Variants in PDXDC1 observed in about 807,000 individuals in gnomAD.
PDXDC1 encodes pyridoxal-dependent decarboxylase domain-containing protein 1.
Under a neutral mutation model 100.1 loss-of-function variants are expected in PDXDC1, and 42 were observed. The observed-to-expected ratio is 0.42, with a 90% CI of 0.33 to 0.54. PDXDC1 has a LOEUF of 0.54. Among genes scored for constraint, PDXDC1 ranks in the 20% least tolerant of loss-of-function variants. PDXDC1 has a pLI of 0.10. For missense variants in PDXDC1, 636 were observed against 979.2 expected (o/e 0.65, Z 4.68); for synonymous variants, 260 against 371.7 (o/e 0.70, Z 3.46).
At chr16:15,066,595 T>G (rs937748773) in intron 16 of PDXDC1, among the ~76,000 whole-genome samples, 24 of 150,870 alleles carry the variant, frequency 1.6e-4, no homozygotes, top group African/African-American at 5.6e-4. Flanking sequence ...ATCACGCCAC[T>G]GTACTCCAGC....
In PDXDC1 at chr16:15,008,656, G is replaced by A. The variant is rs535686365; in HGVS notation, c.580-123G>A. 40 of 841,048 alleles carry A rather than the reference G, an allele frequency of 4.8e-5. No individual in the cohort carries two copies. In the African/African-American group the frequency reaches 6.4e-4, roughly 13 times the overall value. 52.1% of individuals were successfully genotyped at this position (841,048 alleles called of 1,614,324 possible). On this transcript the variant is annotated intron_variant, in intron 6 of 22. Coordinates refer to ENST00000396410, the MANE Select transcript of PDXDC1 (RefSeq NM_015027.4). ...TTAACATCAATTTATAATATTAAGA[G>A]TTCCTAAGGAGAGAGATTTCTTAGA... is the stretch of plus-strand genomic sequence containing the variant.
chr16:15,008,428 C>G (rs2040967631), intron 6 of PDXDC1, among the ~76,000 whole-genome samples: 2 of 152,278 alleles, frequency 1.3e-5, no homozygotes, highest in South Asian at 4.1e-4. Context: ...ACCAGTAATG[C>G]TTGGAGAAAG....
chr16:15,051,771 G>C (rs1381742121), intron 16 of PDXDC1, among the ~76,000 whole-genome samples: 1 of 145,964 alleles, frequency 6.9e-6, no homozygotes, highest in African/African-American at 2.6e-5. Context: ...CCAGATCATA[G>C]CTCACTGCAA....
chr16:15,033,752 G>A (rs1415391521), intron 19 of PDXDC1, among the ~76,000 whole-genome samples: 1 of 152,196 alleles, frequency 6.6e-6, no homozygotes, highest in Non-Finnish European at 1.5e-5. Context: ...GAGGGTGAAT[G>A]AAATGGGCTG....
chr16:15,081,867 G>C (rs965430187), intron 16 of PDXDC1, among the ~76,000 whole-genome samples: 4 of 151,934 alleles, frequency 2.6e-5, no homozygotes, highest in Non-Finnish European at 5.9e-5. Context: ...TCATTCTTTT[G>C]CATGTTCATA....
At chr16:15,035,301 A>G (rs7404524) in intron 21 of PDXDC1, 148 bp from the exon 22 acceptor site, 326,663 of 500,232 alleles carry the variant, frequency 0.65, 111,166 homozygotes, top group Non-Finnish European at 0.71. Context: ...CTCACGGCAC[A>G]TTCATAAGTG....
intron 16 of PDXDC1, among the ~76,000 whole-genome samples, chr16:15,100,259 C>T (rs1265842782): frequency 6.6e-6 from 1 of 152,176 alleles, no homozygotes; most frequent in African/African-American, 2.4e-5. Context: ...GTCCTTTTTC[C>T]TTTCCAAAGA....
At position 15,035,446 on chromosome 16, in the gene PDXDC1, C is replaced by T; in HGVS notation, c.2003-3C>T. The stretch of plus-strand genomic sequence containing the variant: ...TTCTACCCAGCCCTCTCCTCTCCCG[C>T]AGGCTCTCTGGAGTCCACAGAACCC... On this transcript the variant is annotated splice_polypyrimidine_tract_variant and splice_region_variant and intron_variant, in intron 21 of 22. Transcript: ENST00000396410. 2 of 1,594,940 alleles carry T rather than the reference C, an allele frequency of 1.3e-6. No homozygotes were observed. The highest frequency in any genetic ancestry group is 1.3e-5 in the African/African-American group (1 of 74,172).
intron 16 of PDXDC1, among the ~76,000 whole-genome samples, chr16:15,077,308 T>C (rs949889046): frequency 9.9e-5 from 15 of 152,138 alleles, no homozygotes; most frequent in African/African-American, 3.6e-4. Flanking sequence ...GTACTCCTCC[T>C]GTAAGTCACA....
rs376724228 is a variant in PDXDC1 at position 15,016,080 on chromosome 16, C to T, written c.728-49C>T. The T allele has an allele frequency of 6.1e-5, 98 of 1,613,748 alleles. No individual in the cohort carries two copies. The African/African-American group carries it at 1.1e-3, about 18-fold the overall frequency. The stretch of plus-strand genomic sequence containing the variant: ...GTATAAAAGTGTTTAAGGTATAAAG[C>T]CTTAGAAAACATTTGTTCCTTTTAA... On this transcript the variant is annotated intron_variant, in intron 8 of 22. Coordinates refer to ENST00000396410, the MANE Select transcript of PDXDC1 (RefSeq NM_015027.4).
intron 16 of PDXDC1, chr16:15,071,239 C>A: frequency 9.9e-6 from 16 of 1,609,854 alleles, no homozygotes; most frequent in Non-Finnish European, 1.4e-5. Flanking sequence ...TCCAAAAATG[C>A]CTCTGCGAAT....
chr16:15,089,879 T>C (rs2046062230), intron 16 of PDXDC1, among the ~76,000 whole-genome samples: 1 of 146,280 alleles, frequency 6.8e-6, no homozygotes, highest in African/African-American at 2.5e-5. Flanking sequence ...TGGCCAACAG[T>C]GTCGGCTGAT....
intron 8 of PDXDC1, among the ~76,000 whole-genome samples, chr16:15,011,069 TTGA>T (rs1489184524): frequency 6.6e-6 from 1 of 152,300 alleles, no homozygotes; most frequent in African/African-American, 2.4e-5. Flanking sequence ...TTAATAGAAC[TTGA>T]TGAGCTAATT....
chr16:15,100,861 C>A (rs1208922763), intron 16 of PDXDC1, among the ~76,000 whole-genome samples: 15 of 152,112 alleles, frequency 9.9e-5, no homozygotes, highest in Admixed American at 9.8e-4. Flanking sequence ...TGGTGTGCAC[C>A]TGTAGTCCCG....
At position 15,125,267 on chromosome 16, in the gene PDXDC1, G is replaced by T. The variant is rs2047646556; in HGVS notation, c.1400-13612G>T. The T allele has an allele frequency of 5.0e-6, 3 of 602,728 alleles. No individual in the cohort carries two copies. The East Asian group carries it at 8.4e-5, about 17-fold the overall frequency. 37.3% of individuals were successfully genotyped at this position (602,728 alleles called of 1,614,324 possible). ...CGCAGATTGCTACCCACAATGGACG[G>T]GTCACTGAGCAGGTCCGGCCAACTG... On this transcript the variant is annotated intron_variant, in intron 16 of 16. Transcript: ENST00000535621.
At chr16:15,015,112 T>A (rs1270233220) in intron 8 of PDXDC1, among the ~76,000 whole-genome samples, 1 of 152,248 alleles carries the variant, frequency 6.6e-6, no homozygotes, top group Non-Finnish European at 1.5e-5. Context: ...TAATTTTGTT[T>A]TTGTATTTTT....
chr16:15,053,676 C>G (rs1038700516), intron 16 of PDXDC1, among the ~76,000 whole-genome samples: 6 of 151,890 alleles, frequency 4.0e-5, no homozygotes, highest in Admixed American at 1.3e-4. Context: ...TTTGGGAGGC[C>G]GAGACGGGCA....
downstream of PDXDC1, among the ~76,000 whole-genome samples, chr16:15,141,986 C>T (rs577268961): frequency 1.3e-4 from 20 of 152,254 alleles, no homozygotes; most frequent in African/African-American, 4.8e-4. Flanking sequence ...CCCTAAGGGG[C>T]GAGAGGTGCT....
chr16:15,100,156 A>G (rs1418884880), intron 16 of PDXDC1, among the ~76,000 whole-genome samples: 1 of 152,210 alleles, frequency 6.6e-6, no homozygotes, highest in Non-Finnish European at 1.5e-5. Flanking sequence ...GGATTAAGTT[A>G]TGCTCAACTA....
Sources: allele counts gnomAD v4.1 joint callset (sites outside exome capture counted in the v4.1 genomes callset), GRCh38; gene constraint gnomAD v4.1.1; transcripts MANE v1.5; gene names NCBI Gene and HGNC (gene_info 2026-07-23, HGNC 2026-07-21).